The following LRP1B variants were observed in gnomAD, a reference collection of about 807,000 sequenced individuals.
LRP1B encodes the protein low-density lipoprotein receptor-related protein 1B.
In LRP1B, 217 loss-of-function variants were observed where a neutral mutation model predicts 556.6. The ratio of observed to expected loss-of-function variants is 0.39; its 90% CI spans 0.35 to 0.44. The LOEUF (loss-of-function observed/expected upper bound fraction) is 0.44. Among genes scored for constraint, LRP1B ranks in the 20% least tolerant of loss-of-function variants. The pLI, the probability that LRP1B is intolerant of heterozygous loss-of-function variation, is 1.00. For missense variants in LRP1B, 5,053 were observed against 5,620.8 expected (o/e 0.90, Z 3.23); for synonymous variants, 2,047 against 1,865.8 (o/e 1.10, Z -2.50).
chr2:141,586,570 G>A (rs537929799), intron 2 of LRP1B, among the ~76,000 whole-genome samples: 17 of 152,196 alleles, frequency 1.1e-4, no homozygotes, highest in Non-Finnish European at 2.2e-4. Context: ...TGAAAATTTT[G>A]GATATATGAT....
At chr2:140,684,097 G>C (rs374633262) in intron 41 of LRP1B, among the ~76,000 whole-genome samples, 1 of 152,132 alleles carries the variant, frequency 6.6e-6, no homozygotes, top group African/African-American at 2.4e-5. Context: ...AAATCAGAGA[G>C]TGAGAAAAAA....
At chr2:141,209,484 T>A (rs1279212663) in intron 6 of LRP1B, among the ~76,000 whole-genome samples, 1 of 152,224 alleles carries the variant, frequency 6.6e-6, no homozygotes, top group East Asian at 1.9e-4. Flanking sequence ...CTCAGGTATC[T>A]TCTTATCAGC....
At chr2:141,835,999 TAGAA>T (rs1287237358) in intron 1 of LRP1B, among the ~76,000 whole-genome samples, 4 of 151,830 alleles carry the variant, frequency 2.6e-5, no homozygotes, top group Admixed American at 1.3e-4. Flanking sequence ...AAAACAGAAA[TAGAA>T]GGAATGAATA....
At chr2:140,616,145 G>T (rs532118686) in intron 41 of LRP1B, among the ~76,000 whole-genome samples, 14 of 151,962 alleles carry the variant, frequency 9.2e-5, no homozygotes, top group Admixed American at 2.6e-4. Flanking sequence ...GCTATTAATA[G>T]TACCATTTCC....
chr2:141,836,967 A>C (rs1430548632), intron 1 of LRP1B, among the ~76,000 whole-genome samples: 1 of 152,020 alleles, frequency 6.6e-6, no homozygotes, highest in East Asian at 1.9e-4. Flanking sequence ...AATTAAGTTT[A>C]TATGTGTAAA....
chr2:140,683,791 A>C (rs1037026714), intron 41 of LRP1B: 12 of 942,260 alleles, frequency 1.3e-5, no homozygotes, highest in Non-Finnish European at 2.0e-5. Context: ...AGCTGTAGCA[A>C]AGCCAGCCTC....
At chr2:140,397,409 A>C (rs1236116881) in intron 66 of LRP1B, among the ~76,000 whole-genome samples, 1 of 151,852 alleles carries the variant, frequency 6.6e-6, no homozygotes, top group East Asian at 1.9e-4. Context: ...CCATGTGTTC[A>C]TTTTACTTTG....
chr2:140,651,007 A>G (rs1452038118), intron 41 of LRP1B, among the ~76,000 whole-genome samples: 4 of 152,152 alleles, frequency 2.6e-5, no homozygotes, highest in African/African-American at 7.2e-5. Flanking sequence ...TAGTAAATCC[A>G]TATTAACAGC....
intron 7 of LRP1B, among the ~76,000 whole-genome samples, chr2:141,129,684 TA>T (rs1384246687): frequency 6.6e-6 from 1 of 151,866 alleles, no homozygotes; most frequent in African/African-American, 2.4e-5. Context: ...ATTTTATATC[TA>T]AAAAACCCAA....
intron 60 of LRP1B, among the ~76,000 whole-genome samples, chr2:140,470,676 G>C (rs1226158413): frequency 7.2e-6 from 1 of 138,812 alleles, no homozygotes; most frequent in Non-Finnish European, 1.6e-5. Context: ...AAAAAAAATG[G>C]CAAAGATTCT....
chr2:140,966,260 G>A (rs1285165033), intron 18 of LRP1B, among the ~76,000 whole-genome samples: 1 of 152,222 alleles, frequency 6.6e-6, no homozygotes, highest in African/African-American at 2.4e-5. Flanking sequence ...ACTGGTGTGA[G>A]ATGGTATCTC....
chr2:140,485,021 G>A (rs1688409224), intron 59 of LRP1B, among the ~76,000 whole-genome samples: 1 of 152,066 alleles, frequency 6.6e-6, no homozygotes, highest in East Asian at 1.9e-4. Context: ...TTTGTTCTTA[G>A]CCTGCCTTTC....
intron 18 of LRP1B, among the ~76,000 whole-genome samples, chr2:140,957,169 C>G (rs1225591008): frequency 6.6e-6 from 1 of 151,640 alleles, no homozygotes; most frequent in Non-Finnish European, 1.5e-5. Context: ...AGTAGCCAAA[C>G]TAATCTCGGC....
chr2:140,992,248 C>T (rs1029042820), intron 16 of LRP1B, among the ~76,000 whole-genome samples: 1 of 151,620 alleles, frequency 6.6e-6, no homozygotes, highest in Non-Finnish European at 1.5e-5. Context: ...GGAAAAAAAA[C>T]ACAAAAAAAC....
intron 1 of LRP1B, among the ~76,000 whole-genome samples, chr2:142,122,487 T>C (rs377689073): frequency 6.6e-6 from 1 of 152,120 alleles, no homozygotes; most frequent in Non-Finnish European, 1.5e-5. Flanking sequence ...CAAATTTTCT[T>C]GCAAATAAGA....
intron 2 of LRP1B, among the ~76,000 whole-genome samples, chr2:141,640,875 A>G (rs1418696102): frequency 1.3e-5 from 2 of 152,120 alleles, no homozygotes; most frequent in East Asian, 3.9e-4. Flanking sequence ...AATTTTTCAC[A>G]TAACTCCTTC....
chr2:141,822,124 C>CAGAGAGAGAGAG lies in LRP1B; in HGVS notation c.83-11724_83-11723insCTCTCTCTCTCT, dbSNP rs1390471936. Among the ~76,000 whole-genome samples, 724 of 111,642 alleles carry CAGAGAGAGAGAG rather than the reference C, an allele frequency of 6.5e-3. 2 individuals are homozygous for CAGAGAGAGAGAG. The highest frequency in any genetic ancestry group is 0.016 in the Middle Eastern group (3 of 192). The allele number at this position is 111,642 out of a possible 152,430, so 73.2% of individuals were successfully genotyped here. On this transcript the variant is annotated intron_variant, in intron 1 of 90. Coordinates refer to ENST00000389484, the MANE Select transcript of LRP1B (RefSeq NM_018557.3). ...ACACACACACACACACACACACACA[C>CAGAGAGAGAGAG]ACACACAGAGAGAGAGAGAGAGAGA...
At chr2:141,555,328 T>C (rs1255080850) in intron 2 of LRP1B, among the ~76,000 whole-genome samples, 1 of 151,934 alleles carries the variant, frequency 6.6e-6, no homozygotes, top group African/African-American at 2.4e-5. Flanking sequence ...GTCAAATTAC[T>C]TAGCCACAAT....
At chr2:140,773,726 T>C (rs931769034) in intron 33 of LRP1B, among the ~76,000 whole-genome samples, 1 of 151,728 alleles carries the variant, frequency 6.6e-6, no homozygotes, top group African/African-American at 2.4e-5. Context: ...CATATATCCT[T>C]TGTTTAGTCT....
Sources: gnomAD v4.1 joint callset for allele counts (sites outside exome capture counted in the v4.1 genomes callset) on GRCh38, gnomAD v4.1.1 for gene constraint, MANE v1.5 for transcripts, NCBI Gene and HGNC (gene_info 2026-07-23, HGNC 2026-07-21) for gene names.